RAB10: variants seen among roughly 807,000 people sequenced by gnomAD.
The protein encoded by RAB10 is ras-related protein Rab-10.
A neutral mutation model predicts 25.7 loss-of-function variants in RAB10; 5 were observed. The ratio of observed to expected loss-of-function variants is 0.19; its 90% confidence interval spans 0.10 to 0.41. The LOEUF (loss-of-function observed/expected upper bound fraction) is 0.41, where lower values mean the gene tolerates loss of function less well. Ranked by LOEUF, RAB10 falls within the 10% of genes least tolerant of loss-of-function variation. The probability of loss-of-function intolerance (pLI) is 1.00; values close to 1 mark genes in which losing one functional copy is unlikely to be tolerated. For synonymous variants in RAB10, 89 were observed against 86.4 expected (o/e 1.03, Z -0.16); for missense variants, 103 against 245.8 (o/e 0.42, Z 3.89).
chr2:26,039,229 C>A (rs1241135364), intron 1 of RAB10, among the ~76,000 whole-genome samples: 1 of 152,024 alleles, frequency 6.6e-6, no homozygotes, highest in Non-Finnish European at 1.5e-5. Context: ...CCATGTTGGC[C>A]AGGCTGGTCT....
At chr2:26,121,530 G>A (rs1667803078) in intron 3 of RAB10, among the ~76,000 whole-genome samples, 1 of 152,218 alleles carries the variant, frequency 6.6e-6, no homozygotes, top group African/African-American at 2.4e-5. Flanking sequence ...AAATGTTAGA[G>A]ACTTGCAACA....
intron 1 of RAB10, among the ~76,000 whole-genome samples, chr2:26,092,261 CTGTGTGTGTGTGTGTGTG>C (rs56875863): frequency 0.17 from 22,102 of 130,752 alleles, 2,605 homozygotes; most frequent in East Asian, 0.62. Flanking sequence ...ATAGTGAGAG[CTGTGTGTGTGTGTGTGTG>C]TGTGTGTGTG....
intron 1 of RAB10, among the ~76,000 whole-genome samples, chr2:26,058,495 G>A (rs1666315423): frequency 6.6e-6 from 1 of 151,908 alleles, no homozygotes; most frequent in Non-Finnish European, 1.5e-5. Flanking sequence ...ATTCCTGGGT[G>A]CAAGCAGTCC....
intron 2 of RAB10, among the ~76,000 whole-genome samples, chr2:26,108,879 ATATTTATTTATTTATTTATTTATTTATT>A (rs72232011): frequency 1.4e-5 from 2 of 139,564 alleles, no homozygotes; most frequent in African/African-American, 2.6e-5. Flanking sequence ...CTTTTGCTTT[ATATTTATTTATTTATTTATTTATTTATT>A]TATTTATTTA....
intron 1 of RAB10, among the ~76,000 whole-genome samples, chr2:26,091,150 T>C (rs1667098915): frequency 6.6e-6 from 1 of 152,166 alleles, no homozygotes; most frequent in Non-Finnish European, 1.5e-5. Context: ...GCCTGCTAAA[T>C]GTCAGGTATT....
intron 3 of RAB10, among the ~76,000 whole-genome samples, chr2:26,125,669 C>T (rs1486747658): frequency 1.3e-5 from 2 of 151,872 alleles, no homozygotes; most frequent in Non-Finnish European, 2.9e-5. Context: ...AGGCTAGTCT[C>T]GAACTCCTGG....
At chr2:26,125,911 G>A (rs1218333418) in intron 3 of RAB10, among the ~76,000 whole-genome samples, 1 of 151,994 alleles carries the variant, frequency 6.6e-6, no homozygotes, top group Non-Finnish European at 1.5e-5. Context: ...TTTATTGCCT[G>A]TGCTTTTGGT....
Position 26,095,422 on chromosome 2 carries a change from A to G in RAB10, c.128-3240A>G, listed in dbSNP as rs1667191400. ...GGAGATCGAGACCATCCTGGCTAAC[A>G]CGGTGAAACCCCGTCTCTACTAAAA... On this transcript the variant is annotated intron_variant, in intron 1 of 5. Transcript: ENST00000264710. Among the ~76,000 whole-genome samples, 7 of 152,276 alleles carry G rather than the reference A, an allele frequency of 4.6e-5. 1 individual carries two copies. The South Asian group carries it at 1.5e-3, about 32-fold the overall frequency.
Position 26,098,720 on chromosome 2 carries a change from A to G in RAB10, c.186A>G (p.Ile62Met). The G allele has an allele frequency of 6.3e-7, 1 of 1,580,700 alleles. No individual in the cohort carries two copies. The change falls in exon 2 of 6, where the codon ATA (isoleucine) becomes ATG (methionine). Residue 62 changes from isoleucine to methionine, a missense_variant and splice_region_variant. Physicochemically the swap from Ile to Met is conservative, Grantham distance 10. Around this residue, in one of 2 missense-constraint regions of RAB10, gnomAD observed 79 missense variants for 217.8 expected, o/e 0.36. Coordinates refer to ENST00000264710, the MANE Select transcript of RAB10 (RefSeq NM_016131.5). ...ELQGKKIKLQ[I>M]WDTAGQERFH... Reference sequence around the variant, plus strand: ...AAGGAAAGAAGATCAAGCTACAGATATGGTAAGTGATGCTAATTTACTTTA... The same window carrying G: ...AAGGAAAGAAGATCAAGCTACAGATGTGGTAAGTGATGCTAATTTACTTTA...
rs115352829 is a variant in RAB10, at chr2:26,049,814, A to T, written c.127+15079A>T. 6.1e-3 allele frequency among the ~76,000 whole-genome samples: 923 copies of T among 152,328 alleles called. 11 individuals are homozygous for T. The highest frequency in any genetic ancestry group is 0.021 in the African/African-American group (888 of 41,572). ...GTATAAATATTCCATTTAGTTAAGT[A>T]GCCTACTATATTTCCTTTGTTCTGA... On this transcript the variant is annotated intron_variant, in intron 1 of 5. Transcript: ENST00000264710.
intron 2 of RAB10, among the ~76,000 whole-genome samples, chr2:26,106,726 A>T (rs913167336): frequency 6.6e-6 from 1 of 151,426 alleles, no homozygotes; most frequent in African/African-American, 2.4e-5. Flanking sequence ...TCTCTACTAG[A>T]AATACAAAAA....
chr2:26,062,626 C>T (rs1054064077), intron 1 of RAB10, among the ~76,000 whole-genome samples: 24 of 151,656 alleles, frequency 1.6e-4, no homozygotes, highest in Admixed American at 3.9e-4. Context: ...TGCAGTGAGC[C>T]GAGATCATGC....
At chr2:26,102,023 C>T (rs557401811) in intron 2 of RAB10, 2 of 152,632 alleles carry the variant, frequency 1.3e-5, no homozygotes, top group South Asian at 4.1e-4. Flanking sequence ...TCCTTGCCTC[C>T]TTGAGCTCCT....
At chr2:26,083,341 G>A (rs1002329643) in intron 1 of RAB10, among the ~76,000 whole-genome samples, 3 of 152,130 alleles carry the variant, frequency 2.0e-5, no homozygotes, top group African/African-American at 7.2e-5. Flanking sequence ...TACAAGGTCA[G>A]TGTACCAAAA....
intron 1 of RAB10, among the ~76,000 whole-genome samples, chr2:26,094,299 TG>T (rs2149278589): frequency 6.6e-6 from 1 of 152,190 alleles, no homozygotes; most frequent in East Asian, 1.9e-4. Flanking sequence ...TCACCCAGGC[TG>T]GAGTGCAGTG....
chr2:26,075,649 T>A (rs1203012213), intron 1 of RAB10, among the ~76,000 whole-genome samples: 1 of 152,134 alleles, frequency 6.6e-6, no homozygotes, highest in Non-Finnish European at 1.5e-5. Flanking sequence ...TTTCTTCTAA[T>A]ACAGAATAAT....
chr2:26,089,227 C>G (rs911857921), intron 1 of RAB10, among the ~76,000 whole-genome samples: 3 of 151,730 alleles, frequency 2.0e-5, no homozygotes, highest in South Asian at 4.2e-4. Context: ...GAGTTCAAGA[C>G]CAGCCTGGCC....
chr2:26,078,541 TATTTA>T (rs1666787988), intron 1 of RAB10, among the ~76,000 whole-genome samples: 1 of 152,130 alleles, frequency 6.6e-6, no homozygotes. Context: ...TTTTGACAGG[TATTTA>T]CTGCTCAGTA....
At chr2:26,094,483 C>G (rs1356710743) in intron 1 of RAB10, among the ~76,000 whole-genome samples, 3 of 151,878 alleles carry the variant, frequency 2.0e-5, no homozygotes, top group African/African-American at 7.3e-5. Context: ...AACTCCTGAC[C>G]TCAGGTGACC....
Sources: allele counts gnomAD v4.1 joint callset (sites outside exome capture counted in the v4.1 genomes callset), GRCh38; gene constraint gnomAD v4.1.1; regional missense constraint gnomAD v4.1.1; transcripts MANE v1.5; gene names NCBI Gene and HGNC (gene_info 2026-07-23, HGNC 2026-07-21).